Variants in POU2F1 observed in about 807,000 individuals in gnomAD.
POU2F1 encodes POU class 2 homeobox 1.
A neutral mutation model predicts 84.9 loss-of-function variants in POU2F1; 16 were observed. The ratio of observed to expected loss-of-function variants is 0.19; its 90% confidence interval spans 0.13 to 0.29. The LOEUF (loss-of-function observed/expected upper bound fraction) is 0.29. Ranked by LOEUF, POU2F1 falls within the 10% of genes least tolerant of loss-of-function variation. POU2F1 has a pLI of 1.00. For synonymous variants in POU2F1, 368 were observed against 368.3 expected, an observed-to-expected ratio of 1.00 and a Z score of 0.01; for missense variants, 738 against 942.6, an observed-to-expected ratio of 0.78 and a Z score of 2.84.
intron 12 of POU2F1, among the ~76,000 whole-genome samples, chr1:167,400,843 G>A (rs1247823609): frequency 6.6e-6 from 1 of 152,196 alleles, no homozygotes; most frequent in Non-Finnish European, 1.5e-5. Flanking sequence ...GCACATGTTA[G>A]TTTATGTGAA....
At chr1:167,348,411 C>T (rs1000579674) in intron 2 of POU2F1, among the ~76,000 whole-genome samples, 4 of 152,168 alleles carry the variant, frequency 2.6e-5, no homozygotes, top group African/African-American at 9.7e-5. Flanking sequence ...GAATTACCGC[C>T]AAACTTTTTT....
At chr1:167,405,821 T>A (rs1649536583) in intron 13 of POU2F1, among the ~76,000 whole-genome samples, 1 of 152,210 alleles carries the variant, frequency 6.6e-6, no homozygotes, top group Non-Finnish European at 1.5e-5. Flanking sequence ...ACATGGAACA[T>A]CCATCTCCCA....
chr1:167,230,352 C>T (rs1648977170), intron 1 of POU2F1, among the ~76,000 whole-genome samples: 1 of 151,970 alleles, frequency 6.6e-6, no homozygotes. Context: ...AACTTTAGGA[C>T]AAGTTACTTC....
intron 1 of POU2F1, among the ~76,000 whole-genome samples, chr1:167,294,738 A>G (rs1413749401): frequency 6.6e-6 from 1 of 152,186 alleles, no homozygotes; most frequent in Non-Finnish European, 1.5e-5. Flanking sequence ...TATTACTGCA[A>G]GAATGGCCAG....
In POU2F1 at chr1:167,374,157, C is replaced by T; in HGVS notation, c.452C>T (p.Ala151Val). 6.2e-7 allele frequency: 1 copy of T among 1,614,090 alleles called. No homozygotes were observed. The change falls in exon 6 of 16, where the codon GCA becomes GTA. Residue 151 changes from alanine to valine, a missense_variant. Ala to Val is a moderately conservative substitution (Grantham distance 64). Transcript: ENST00000367866. ...CAGTTACTACTCCAGCAGGCACAGGCACAGGCACAGCTGCTGGCTGCTGCA... is the reference window on the plus strand; with the variant it reads ...CAGTTACTACTCCAGCAGGCACAGGTACAGGCACAGCTGCTGGCTGCTGCA... ...QQQLLLQQAQ[A>V]QAQLLAAAVQ...
intron 2 of POU2F1, among the ~76,000 whole-genome samples, chr1:167,333,089 CACAT>C (rs1195270989): frequency 6.6e-5 from 10 of 152,232 alleles, no homozygotes; most frequent in South Asian, 2.1e-4. Flanking sequence ...TAGTTATAGA[CACAT>C]ACCCATTTCT....
chr1:167,272,791 G>A (rs547255504), intron 1 of POU2F1, among the ~76,000 whole-genome samples: 4 of 152,104 alleles, frequency 2.6e-5, no homozygotes, highest in Non-Finnish European at 2.9e-5. Flanking sequence ...AATCCAAACC[G>A]TATCATTCTG....
intron 1 of POU2F1, among the ~76,000 whole-genome samples, chr1:167,315,477 A>G (rs1199661260): frequency 3.3e-5 from 5 of 152,160 alleles, no homozygotes; most frequent in Admixed American, 1.3e-4. Flanking sequence ...GTAAATGCCT[A>G]ACAAACAGTG....
rs1474257742 is a variant in POU2F1 at position 167,416,023 on chromosome 1, T to C, written c.*213T>C. On this transcript the variant is annotated 3_prime_UTR_variant, in exon 16 of 16. Coordinates refer to ENST00000367866, the MANE Select transcript of POU2F1 (RefSeq NM_002697.4). ...GATGGAGACGGAACATTTGCCTAAT[T>C]TTGTAATAAAACACTGTCTTTTCAG... 1.5e-6 allele frequency: 1 copy of C among 668,008 alleles called. No homozygotes were observed. The highest frequency in any genetic ancestry group is 2.6e-6 in the Non-Finnish European group (1 of 379,350). The allele number at this position is 668,008 out of a possible 1,614,324, so 41.4% of individuals were successfully genotyped here. A position where few individuals can be genotyped will look rare whatever the true frequency, so the allele number is the denominator to read the frequency against.
intron 13 of POU2F1, 58 bp downstream of exon 13, chr1:167,401,614 T>C: frequency 1.8e-6 from 2 of 1,131,352 alleles, no homozygotes; most frequent in South Asian, 3.3e-5. Context: ...TTTTGGGTTA[T>C]TATAAGAGTC....
chr1:167,357,379 A>ACCCC (rs367718262), intron 2 of POU2F1: 1 of 30,266 alleles, frequency 3.3e-5, no homozygotes, highest in African/African-American at 1.5e-4. Context: ...CCCCCCCCCC[A>ACCCC]CCCCCCCCCG....
At chr1:167,324,804 A>C (rs911262638) in intron 1 of POU2F1, among the ~76,000 whole-genome samples, 1 of 152,218 alleles carries the variant, frequency 6.6e-6, no homozygotes, top group Admixed American at 6.5e-5. Context: ...GATAAAGTAC[A>C]TGTCTTTCAT....
intron 2 of POU2F1, among the ~76,000 whole-genome samples, chr1:167,362,968 G>A (rs1185385549): frequency 1.3e-5 from 2 of 152,076 alleles, no homozygotes; most frequent in Non-Finnish European, 2.9e-5. Context: ...AGCCAGAAAG[G>A]TTTTTATGAT....
intron 1 of POU2F1, among the ~76,000 whole-genome samples, chr1:167,309,103 G>GTTTTT (rs749208571): frequency 7.1e-6 from 1 of 140,746 alleles, no homozygotes; most frequent in Non-Finnish European, 1.6e-5. Flanking sequence ...TCCACTAGTG[G>GTTTTT]TTTTTTTTTT....
intron 12 of POU2F1, among the ~76,000 whole-genome samples, chr1:167,399,879 T>C (rs747472023): frequency 3.3e-5 from 5 of 151,490 alleles, no homozygotes; most frequent in Non-Finnish European, 5.9e-5. Flanking sequence ...TTCACTATGT[T>C]GGCCAGGCTG....
chr1:167,221,166 G>C (rs978834210), intron 1 of POU2F1, among the ~76,000 whole-genome samples: 1 of 151,542 alleles, frequency 6.6e-6, no homozygotes, highest in African/African-American at 2.4e-5. Context: ...GGGAAGACAA[G>C]GGGCAAAGGG....
At position 167,252,281 on chromosome 1, in the gene POU2F1, C is replaced by T. The variant is rs571078280; in HGVS notation, c.61+31323C>T. ...AACTTATAACAGAATCCCTTTAAGA[C>T]GCTTTTACAAATGAAGGCCATGCTA... On this transcript the variant is annotated intron_variant, in intron 1 of 15. Coordinates refer to ENST00000367866, the MANE Select transcript of POU2F1 (RefSeq NM_002697.4). Among the ~76,000 whole-genome samples, 120 of 152,162 alleles carry T rather than the reference C, an allele frequency of 7.9e-4. No individual in the cohort carries two copies. In the Middle Eastern group the frequency reaches 0.027, roughly 35 times the overall value.
chr1:167,237,661 C>A (rs1160010017), intron 1 of POU2F1, among the ~76,000 whole-genome samples: 4 of 148,776 alleles, frequency 2.7e-5, no homozygotes, highest in Admixed American at 6.7e-5. Context: ...TTTTTCTTTC[C>A]CCTTTTGTCC....
rs1650920867 is a variant in POU2F1 at position 167,425,864 on chromosome 1, T to A, written c.*10054T>A. 1 of 152,160 alleles carries A rather than the reference T, an allele frequency of 6.6e-6. No individual in the cohort carries two copies. Among genetic ancestry groups the A allele is most frequent in the South Asian group, 2.1e-4 (1 of 4,826 alleles). The allele number at this position is 152,160 out of a possible 1,614,324, so 9.4% of individuals were successfully genotyped here. On this transcript the variant is annotated 3_prime_UTR_variant, in exon 16 of 16. Transcript: ENST00000367866. ...TATCAAGCTTTTCATTTCTCTTTAT[T>A]GTAGTTTTCTTTCCTTTTTGCAGCA... is the stretch of plus-strand genomic sequence containing the variant.
Sources: allele counts gnomAD v4.1 joint callset (sites outside exome capture counted in the v4.1 genomes callset), GRCh38; gene constraint gnomAD v4.1.1; transcripts MANE v1.5; gene names NCBI Gene and HGNC (gene_info 2026-07-23, HGNC 2026-07-21).